KCNMA1: variants seen among roughly 807,000 people sequenced by gnomAD.
KCNMA1 encodes the protein Calcium-activated potassium channel subunit alpha-1.
A neutral mutation model predicts 140.0 loss-of-function variants in KCNMA1; 29 were observed. The ratio of observed to expected loss-of-function variants is 0.21; its 90% confidence interval spans 0.15 to 0.28. KCNMA1 has a LOEUF of 0.28. Ranked by LOEUF, KCNMA1 falls within the 10% of genes least tolerant of loss-of-function variation. KCNMA1 has a pLI of 1.00. For synonymous variants in KCNMA1, 612 were observed against 611.9 expected, an observed-to-expected ratio of 1.00 and a Z score of 0.00; for missense variants, 880 against 1,602.2, an observed-to-expected ratio of 0.55 and a Z score of 7.70.
intron 3 of KCNMA1, among the ~76,000 whole-genome samples, chr10:77,228,603 C>A (rs1006405378): frequency 6.6e-6 from 1 of 152,218 alleles, no homozygotes; most frequent in Non-Finnish European, 1.5e-5. Flanking sequence ...AGTTTCTCTG[C>A]TAAATAAATA....
intron 3 of KCNMA1, among the ~76,000 whole-genome samples, chr10:77,220,706 C>T (rs1384786273): frequency 6.6e-6 from 1 of 152,106 alleles, no homozygotes; most frequent in Non-Finnish European, 1.5e-5. Context: ...ATCTAAAAAT[C>T]CCCAAGCTCT....
chr10:77,291,410 A>G (rs560646883), intron 2 of KCNMA1, among the ~76,000 whole-genome samples: 6 of 152,346 alleles, frequency 3.9e-5, no homozygotes, highest in African/African-American at 1.4e-4. Flanking sequence ...CCTCAGCAAG[A>G]AGAAAAAGGA....
At chr10:77,510,276 A>G (rs906046715) in intron 1 of KCNMA1, among the ~76,000 whole-genome samples, 1 of 152,044 alleles carries the variant, frequency 6.6e-6, no homozygotes, top group African/African-American at 2.4e-5. Context: ...CCATAGAGTC[A>G]GTGTTTGACA....
intron 9 of KCNMA1, among the ~76,000 whole-genome samples, chr10:77,098,467 C>T (rs575522366): frequency 1.3e-5 from 2 of 152,130 alleles, no homozygotes; most frequent in African/African-American, 2.4e-5. Context: ...TGACTACTCC[C>T]GAGTTTCCAC....
At chr10:77,483,007 C>T (rs887535876) in intron 1 of KCNMA1, among the ~76,000 whole-genome samples, 4 of 133,780 alleles carry the variant, frequency 3.0e-5, no homozygotes, top group African/African-American at 9.6e-5. Flanking sequence ...CACACACACA[C>T]ACACACACAC....
In KCNMA1 at chr10:77,541,602, A is replaced by C. The variant is rs1486007743; in HGVS notation, c.378+95663T>G. 2.0e-5 allele frequency among the ~76,000 whole-genome samples: 3 copies of C among 152,204 alleles called. No homozygotes were observed. The East Asian group carries it at 5.8e-4, about 29-fold the overall frequency. ...TTGTTCTAAGTAACATTACCTTAGA[A>C]ACTATTCAGTGTGTAGAAAGTACAT... is the stretch of plus-strand genomic sequence containing the variant. On this transcript the variant is annotated intron_variant, in intron 1 of 27. Transcript: ENST00000286628.
chr10:77,397,321 A>G (rs1442566626), intron 2 of KCNMA1, among the ~76,000 whole-genome samples: 1 of 152,172 alleles, frequency 6.6e-6, no homozygotes, highest in African/African-American at 2.4e-5. Context: ...TGGTGTGTGA[A>G]ACAAATCTGG....
Position 77,310,542 on chromosome 10 carries a change from T to C in KCNMA1, c.541-59286A>G, listed in dbSNP as rs141512818. On this transcript the variant is annotated intron_variant, in intron 2 of 27. Coordinates refer to ENST00000286628, the MANE Select transcript of KCNMA1 (RefSeq NM_001161352.2). Reference sequence around the variant, plus strand: ...AGCAGTTATGTGACTTGTTCAAGGATGCAATAACAGTATTTGAACAAAGAC... The same window carrying C: ...AGCAGTTATGTGACTTGTTCAAGGACGCAATAACAGTATTTGAACAAAGAC... 1.3e-5 allele frequency among the ~76,000 whole-genome samples: 2 copies of C among 152,348 alleles called. 1 individual carries two copies. The highest frequency in any genetic ancestry group is 3.9e-4 in the East Asian group (2 of 5,182).
intron 1 of KCNMA1, among the ~76,000 whole-genome samples, chr10:77,541,201 G>A (rs1039440082): frequency 4.6e-5 from 7 of 151,970 alleles, no homozygotes; most frequent in South Asian, 4.2e-4. Flanking sequence ...AAGTATAAAC[G>A]AATTAAACGT....
chr10:77,427,682 T>C (rs2097043374), intron 1 of KCNMA1, among the ~76,000 whole-genome samples: 1 of 152,204 alleles, frequency 6.6e-6, no homozygotes. Context: ...CCCAGGCTTT[T>C]GCCCAATAAG....
At chr10:77,332,953 G>A (rs1002976416) in intron 2 of KCNMA1, among the ~76,000 whole-genome samples, 2 of 152,198 alleles carry the variant, frequency 1.3e-5, no homozygotes, top group Non-Finnish European at 2.9e-5. Context: ...TGAAATGCAC[G>A]AAGAGCAAGT....
intron 23 of KCNMA1, among the ~76,000 whole-genome samples, chr10:76,936,363 G>A (rs1402038406): frequency 1.3e-5 from 2 of 152,180 alleles, no homozygotes; most frequent in East Asian, 3.9e-4. Context: ...TATTGGGGTA[G>A]ATATCTAAAG....
intron 3 of KCNMA1, among the ~76,000 whole-genome samples, chr10:77,230,860 G>A (rs575309541): frequency 1.3e-5 from 2 of 152,224 alleles, no homozygotes; most frequent in East Asian, 1.9e-4. Flanking sequence ...AACACCCTTA[G>A]CTCTATCAAT....
chr10:77,223,793 G>A (rs1369836839), intron 3 of KCNMA1, among the ~76,000 whole-genome samples: 2 of 152,146 alleles, frequency 1.3e-5, no homozygotes, highest in Admixed American at 6.5e-5. Context: ...GGTCATGGAC[G>A]AAGTGAAGAC....
intron 2 of KCNMA1, among the ~76,000 whole-genome samples, chr10:77,388,135 T>C (rs1001397347): frequency 6.6e-6 from 1 of 152,246 alleles, no homozygotes; most frequent in Non-Finnish European, 1.5e-5. Context: ...AATCTCATTA[T>C]AGACATCCTT....
At chr10:76,973,990 C>G (rs993674027) in intron 19 of KCNMA1, 1 of 152,512 alleles carries the variant, frequency 6.6e-6, no homozygotes, top group African/African-American at 2.4e-5. Context: ...GGGGATGATG[C>G]CCTTTAAGAT....
At chr10:77,455,455 T>C (rs650019) in intron 1 of KCNMA1, among the ~76,000 whole-genome samples, 63,135 of 152,016 alleles carry the variant, frequency 0.42, 13,443 homozygotes, top group South Asian at 0.61. Context: ...CAGAATTCCC[T>C]ACTTTGAGTG....
chr10:77,088,642 T>C (rs1439907401), intron 10 of KCNMA1, among the ~76,000 whole-genome samples: 3 of 152,000 alleles, frequency 2.0e-5, no homozygotes, highest in African/African-American at 7.3e-5. Flanking sequence ...TTGCCCAAGC[T>C]GGTCTTGAAC....
At chr10:77,196,986 A>ATTTT in intron 3 of KCNMA1, among the ~76,000 whole-genome samples, 1 of 152,214 alleles carries the variant, frequency 6.6e-6, no homozygotes, top group Middle Eastern at 3.2e-3. Flanking sequence ...AAAAATAAGG[A>ATTTT]AAAGAAAGCA....
Sources: gnomAD v4.1 joint callset for allele counts (sites outside exome capture counted in the v4.1 genomes callset) on GRCh38, gnomAD v4.1.1 for gene constraint, MANE v1.5 for transcripts, NCBI Gene and HGNC (gene_info 2026-07-23, HGNC 2026-07-21) for gene names.